CASQ2: variants seen among roughly 807,000 people sequenced by gnomAD.
CASQ2 encodes the protein calsequestrin 2, also known as calsequestrin-2.
Under a neutral mutation model 46.5 loss-of-function variants are expected in CASQ2, and 49 were observed. That is an observed-to-expected ratio of 1.05 (90% confidence interval 0.84 to 1.34). The LOEUF (loss-of-function observed/expected upper bound fraction) is 1.34. CASQ2 is among the 40% of genes most tolerant of loss of function. The probability of loss-of-function intolerance (pLI) is 0.00; values close to 1 mark genes in which losing one functional copy is unlikely to be tolerated. For missense variants in CASQ2, 486 were observed against 481.3 expected (o/e 1.01, Z -0.09); for synonymous variants, 174 against 168.5 (o/e 1.03, Z -0.25).
chr1:115,709,305 C>A (rs7541344), intron 8 of CASQ2, among the ~76,000 whole-genome samples: 29,696 of 152,088 alleles, frequency 0.2, 2,999 homozygotes, highest in South Asian at 0.27. Flanking sequence ...TGTAGGAAGC[C>A]GCATTTCACT....
Position 115,733,016 on chromosome 1 carries a change from A to T in CASQ2, c.533-42T>A. On this transcript the variant is annotated intron_variant, in intron 4 of 10. Transcript: ENST00000261448. Reference sequence around the variant, plus strand: ...AGATGAAGGGAGAGACATTTTCAAGATGAACACAGAAGAATCTTCTTTTTA... The same window carrying T: ...AGATGAAGGGAGAGACATTTTCAAGTTGAACACAGAAGAATCTTCTTTTTA... 5.1e-6 allele frequency: 7 copies of T among 1,377,466 alleles called. No homozygotes were observed. In the South Asian group the frequency reaches 7.0e-5, roughly 14 times the overall value. The allele number at this position is 1,377,466 out of a possible 1,614,324, so 85.3% of individuals were successfully genotyped here.
chr1:115,743,491 C>T (rs1322859422), intron 2 of CASQ2, among the ~76,000 whole-genome samples: 2 of 151,684 alleles, frequency 1.3e-5, no homozygotes, highest in South Asian at 2.1e-4. Flanking sequence ...CAATCCTCTG[C>T]CCTTGGCCTC....
chr1:115,753,892 G>GAA (rs563639480), intron 1 of CASQ2, among the ~76,000 whole-genome samples: 16 of 146,784 alleles, frequency 1.1e-4, no homozygotes, highest in African/African-American at 3.7e-4. Flanking sequence ...CCAAGAATCT[G>GAA]AAAAAAAAAA....
At chr1:115,721,809 G>A (rs939759208) in intron 7 of CASQ2, among the ~76,000 whole-genome samples, 4 of 152,102 alleles carry the variant, frequency 2.6e-5, no homozygotes, top group Non-Finnish European at 5.9e-5. Context: ...TGACTCAAAC[G>A]ATCTGCCCAC....
At chr1:115,725,064 T>C (rs1647530367) in intron 7 of CASQ2, among the ~76,000 whole-genome samples, 1 of 152,104 alleles carries the variant, frequency 6.6e-6, no homozygotes, top group East Asian at 1.9e-4. Context: ...ATGTTTTTGT[T>C]TTGTTTTGTT....
rs75862671 is a variant in CASQ2, at chr1:115,724,281, G to A, written c.783+1227C>T. 3.7e-3 allele frequency among the ~76,000 whole-genome samples: 564 copies of A among 152,220 alleles called. 6 individuals are homozygous for A. The highest frequency in any genetic ancestry group is 0.013 in the African/African-American group (537 of 41,536). ...GCGTCAGTTTCTGACTATGTCAAAC[G>A]GGGCTAAAATAGTATTTGGTTTTTG... is the stretch of plus-strand genomic sequence containing the variant. On this transcript the variant is annotated intron_variant, in intron 7 of 10. Transcript: ENST00000261448.
intron 4 of CASQ2, among the ~76,000 whole-genome samples, chr1:115,735,368 A>T (rs1647921923): frequency 6.6e-6 from 1 of 152,238 alleles, no homozygotes; most frequent in Non-Finnish European, 1.5e-5. Context: ...TAAAAACTAG[A>T]TTTAAAACTA....
At chr1:115,740,410 C>G (rs1570834599) in intron 3 of CASQ2, among the ~76,000 whole-genome samples, 1 of 152,254 alleles carries the variant, frequency 6.6e-6, no homozygotes, top group East Asian at 1.9e-4. Context: ...CCCCTCACTC[C>G]CCACATTCCC....
At chr1:115,704,157 G>A (rs1654294315) in intron 9 of CASQ2, among the ~76,000 whole-genome samples, 1 of 152,116 alleles carries the variant, frequency 6.6e-6, no homozygotes, top group African/African-American at 2.4e-5. Context: ...TGATTTTCAG[G>A]ACCCTTGAGA....
chr1:115,768,242 T>C (rs1016093376), intron 1 of CASQ2, 66 bp downstream of exon 1: 14 of 1,049,308 alleles, frequency 1.3e-5, no homozygotes, highest in Admixed American at 1.7e-5. Context: ...TCCCAACCCC[T>C]GGCCAAAGGC....
chr1:115,716,052 A>G (rs992092583), intron 8 of CASQ2, among the ~76,000 whole-genome samples: 2 of 152,158 alleles, frequency 1.3e-5, no homozygotes, highest in African/African-American at 4.8e-5. Context: ...ATCTCTCCCT[A>G]TGAGTATACA....
At position 115,725,533 on chromosome 1, in the gene CASQ2, C is replaced by T. The variant is rs199571249; in HGVS notation, c.758G>A (p.Arg253His). The change falls in exon 7 of 11, where the codon CGC becomes CAC. Residue 253 changes from arginine (R) to histidine (H), a missense_variant. Transcript: ENST00000261448. ...EHQRPTLRRL[R>H]PEEMFETWED... is the part of the protein sequence containing the mutation. ...CCATGTTTCAAACATTTCTTCTGGG[C>T]GCAGGCGACGTAGAGTGGGTCTGGA... 4.8e-5 allele frequency: 68 copies of T among 1,407,546 alleles called. 1 individual carries two copies. Among genetic ancestry groups the T allele is most frequent in the Middle Eastern group, 2.3e-4 (1 of 4,344 alleles). 87.2% of individuals were successfully genotyped at this position (1,407,546 alleles called of 1,614,324 possible).
intron 5 of CASQ2, among the ~76,000 whole-genome samples, chr1:115,729,301 C>G (rs542999045): frequency 8.5e-5 from 13 of 152,204 alleles, no homozygotes; most frequent in Non-Finnish European, 1.5e-4. Flanking sequence ...CCACCTCCCC[C>G]CTCGGCCTCC....
intron 7 of CASQ2, among the ~76,000 whole-genome samples, chr1:115,719,547 T>C (rs549224452): frequency 6.6e-6 from 1 of 152,318 alleles, no homozygotes; most frequent in South Asian, 2.1e-4. Context: ...CCCAAGATGG[T>C]CCCTGGAGGG....
intron 3 of CASQ2, among the ~76,000 whole-genome samples, chr1:115,738,647 T>C (rs767568344): frequency 6.6e-6 from 1 of 152,234 alleles, no homozygotes; most frequent in Non-Finnish European, 1.5e-5. Flanking sequence ...GTTGCTATGA[T>C]CTATAAATAT....
At chr1:115,726,914 CT>C in intron 6 of CASQ2, 77 bp downstream of exon 6, 1 of 1,232,056 alleles carries the variant, frequency 8.1e-7, no homozygotes, top group Non-Finnish European at 1.2e-6. Context: ...CTTGGCAGGT[CT>C]GAAATGTTAG....
chr1:115,714,590 T>C (rs193214617), intron 8 of CASQ2, among the ~76,000 whole-genome samples: 61 of 152,284 alleles, frequency 4.0e-4, no homozygotes, highest in African/African-American at 1.4e-3. Context: ...GTCTAACTTG[T>C]TAGCAAGAGC....
chr1:115,740,150 G>T (rs553431681), intron 3 of CASQ2, among the ~76,000 whole-genome samples: 63 of 152,334 alleles, frequency 4.1e-4, no homozygotes, highest in African/African-American at 1.5e-3. Flanking sequence ...TGTGTTCAAA[G>T]CATTGAACTT....
chr1:115,740,796 TAAG>T lies in CASQ2; in HGVS notation c.349_351del (p.Leu117del). ...TCAAACTCTATTGTGCGATCACCCT[TAAG>T]AATATACAGGCTTCCTTCTTCATCA... is the stretch of plus-strand genomic sequence containing the variant. On this transcript the variant is annotated inframe_deletion, in exon 3 of 11. Transcript: ENST00000261448. 1 of 1,613,322 alleles carries T rather than the reference TAAG, an allele frequency of 6.2e-7. No individual in the cohort carries two copies. Among genetic ancestry groups the T allele is most frequent in the Non-Finnish European group, 8.5e-7 (1 of 1,179,360 alleles).
Sources: gnomAD v4.1 joint callset for allele counts (sites outside exome capture counted in the v4.1 genomes callset) on GRCh38, gnomAD v4.1.1 for gene constraint, MANE v1.5 for transcripts, NCBI Gene and HGNC (gene_info 2026-07-23, HGNC 2026-07-21) for gene names.